ATL2: variants seen among roughly 807,000 people sequenced by gnomAD.
ATL2 encodes atlastin GTPase 2.
ATL2 carries 31 observed loss-of-function variants against 73.9 expected under a neutral mutation model. The observed-to-expected ratio is 0.42, with a 90% CI of 0.32 to 0.57. The LOEUF is 0.57. Ranked by LOEUF, ATL2 falls within the 20% of genes least tolerant of loss-of-function variation. The probability of loss-of-function intolerance (pLI) is 0.14; values close to 1 mark genes in which losing one functional copy is unlikely to be tolerated. For synonymous variants in ATL2, 291 were observed against 237.5 expected (o/e 1.23, Z -2.07); for missense variants, 738 against 702.6 (o/e 1.05, Z -0.57).
chr2:38,327,809 G>A (rs1323844756), intron 2 of ATL2, among the ~76,000 whole-genome samples: 1 of 152,164 alleles, frequency 6.6e-6, no homozygotes, highest in Non-Finnish European at 1.5e-5. Flanking sequence ...GGTGGCGGGT[G>A]CCTGTAATCC....
chr2:38,321,292 A>C (rs1186116715), intron 2 of ATL2, among the ~76,000 whole-genome samples: 1 of 152,196 alleles, frequency 6.6e-6, no homozygotes, highest in African/African-American at 2.4e-5. Context: ...CCAGTAGGCC[A>C]CCAATCCTAT....
intron 11 of ATL2, among the ~76,000 whole-genome samples, chr2:38,298,787 G>A (rs764822627): frequency 4.6e-5 from 7 of 152,044 alleles, no homozygotes; most frequent in Non-Finnish European, 7.4e-5. Context: ...TATGACTAAC[G>A]GAAACTGAAG....
At chr2:38,341,492 GC>G (rs1669716133) in intron 2 of ATL2, among the ~76,000 whole-genome samples, 1 of 152,020 alleles carries the variant, frequency 6.6e-6, no homozygotes, top group Non-Finnish European at 1.5e-5. Flanking sequence ...TTAAAAATCA[GC>G]CAAGCATTGT....
intron 2 of ATL2, among the ~76,000 whole-genome samples, chr2:38,327,435 C>T (rs949377543): frequency 6.8e-6 from 1 of 147,250 alleles, no homozygotes; most frequent in African/African-American, 2.5e-5. Context: ...CCAAAAAACA[C>T]GTTTAACAGA....
At chr2:38,326,586 G>C (rs908905854) in intron 2 of ATL2, among the ~76,000 whole-genome samples, 1 of 152,160 alleles carries the variant, frequency 6.6e-6, no homozygotes, top group Non-Finnish European at 1.5e-5. Context: ...ATATATTATA[G>C]CCTAGCTGCA....
chr2:38,315,089 T>C (rs1667957030), intron 5 of ATL2, among the ~76,000 whole-genome samples, 195 bp downstream of exon 5: 1 of 152,072 alleles, frequency 6.6e-6, no homozygotes, highest in Admixed American at 6.5e-5. Context: ...TCATCTCCAC[T>C]AAAAATACAA....
chr2:38,328,868 A>G (rs1463518955), intron 2 of ATL2, among the ~76,000 whole-genome samples: 1 of 152,048 alleles, frequency 6.6e-6, no homozygotes, highest in African/African-American at 2.4e-5. Flanking sequence ...CAACAGAAAA[A>G]ACAAATCAGT....
chr2:38,321,170 C>G (rs1668301705), intron 2 of ATL2, among the ~76,000 whole-genome samples: 1 of 151,978 alleles, frequency 6.6e-6, no homozygotes, highest in Non-Finnish European at 1.5e-5. Context: ...GAGACTGTCT[C>G]AAACAAAACA....
intron 4 of ATL2, among the ~76,000 whole-genome samples, chr2:38,316,132 G>A (rs905163030): frequency 6.6e-6 from 1 of 152,196 alleles, no homozygotes; most frequent in African/African-American, 2.4e-5. Flanking sequence ...GGGTGACTCC[G>A]AAGAGAGAAC....
At chr2:38,330,778 ATTG>A (rs1315100484) in intron 2 of ATL2, among the ~76,000 whole-genome samples, 5 of 152,250 alleles carry the variant, frequency 3.3e-5, no homozygotes, top group African/African-American at 1.2e-4. Context: ...TAGACTTAAT[ATTG>A]TTAACACAGT....
Position 38,313,208 on chromosome 2 carries a change from A to G in ATL2, c.747T>C (p.Pro249=). Residue 249 remains proline (P), a synonymous_variant, in exon 7 of 13, where the codon CCT becomes CCC. Transcript: ENST00000378954. ...LMFLIRDWSY[P]YEHSYGLEGG... The stretch of plus-strand genomic sequence containing the variant: ...CTTCCAAACCATATGAATGTTCATA[A>G]GGATAGCTCCAATCTCGAATCAAAA... 6.2e-7 allele frequency: 1 copy of G among 1,613,354 alleles called. No homozygotes were observed. Among genetic ancestry groups the G allele is most frequent in the Admixed American group, 1.7e-5 (1 of 59,942 alleles).
chr2:38,319,024 T>TA lies in ATL2; in HGVS notation c.364-6dup. On this transcript the variant is annotated splice_region_variant and splice_polypyrimidine_tract_variant and intron_variant, in intron 2 of 12. Coordinates refer to ENST00000378954, the MANE Select transcript of ATL2 (RefSeq NM_001135673.4). ...ACCAATCCAACTTTGAGAATCCTGT[T>TA]AAAGTCAAGGATAAATGTAAAATAC... The TA allele has an allele frequency of 6.2e-7, 1 of 1,609,972 alleles. No homozygotes were observed. Among genetic ancestry groups the TA allele is most frequent in the Admixed American group, 1.7e-5 (1 of 59,114 alleles).
intron 1 of ATL2, chr2:38,358,297 G>A (rs1670795224): frequency 6.6e-6 from 1 of 152,352 alleles, no homozygotes; most frequent in Admixed American, 6.5e-5. Context: ...TGCTAATACT[G>A]TGATACAACT....
chr2:38,328,334 G>A (rs1306337739), intron 2 of ATL2, among the ~76,000 whole-genome samples: 1 of 152,174 alleles, frequency 6.6e-6, no homozygotes, highest in Non-Finnish European at 1.5e-5. Flanking sequence ...AAATGGATCT[G>A]ACATTATAGT....
chr2:38,350,427 T>C (rs1027208119), intron 1 of ATL2, among the ~76,000 whole-genome samples: 3 of 152,156 alleles, frequency 2.0e-5, no homozygotes, highest in Non-Finnish European at 4.4e-5. Flanking sequence ...AAAGGACCTG[T>C]GATTGCCAGG....
At chr2:38,299,877 G>C (rs923557722) in intron 10 of ATL2, among the ~76,000 whole-genome samples, 2 of 152,190 alleles carry the variant, frequency 1.3e-5, no homozygotes, top group Non-Finnish European at 2.9e-5. Context: ...ATATTCACTA[G>C]AAGTAGCTCT....
At chr2:38,310,559 C>T in intron 7 of ATL2, 112 bp from the exon 8 acceptor site, 1 of 808,532 alleles carries the variant, frequency 1.2e-6, no homozygotes, top group Non-Finnish European at 1.8e-6. Context: ...AGATGGTACT[C>T]CTAAGGAGTC....
chr2:38,368,943 T>G (rs754164833), intron 1 of ATL2, among the ~76,000 whole-genome samples: 2 of 152,016 alleles, frequency 1.3e-5, no homozygotes, highest in African/African-American at 2.4e-5. Context: ...AATAAACTAA[T>G]TCACATTTTC....
intron 1 of ATL2, among the ~76,000 whole-genome samples, chr2:38,361,371 A>AC (rs1671008321): frequency 6.6e-6 from 1 of 151,886 alleles, no homozygotes; most frequent in Admixed American, 6.6e-5. Context: ...AAAAAAAAAA[A>AC]AAAATTTAAA....
Sources: allele counts gnomAD v4.1 joint callset (sites outside exome capture counted in the v4.1 genomes callset), GRCh38; gene constraint gnomAD v4.1.1; transcripts MANE v1.5; gene names NCBI Gene and HGNC (gene_info 2026-07-23, HGNC 2026-07-21).